The following NEK1 variants were observed in gnomAD, a reference collection of about 807,000 sequenced individuals.
NEK1 encodes the protein serine/threonine-protein kinase Nek1.
A neutral mutation model predicts 182.1 loss-of-function variants in NEK1; 137 were observed. That is an observed-to-expected ratio of 0.75 (90% CI 0.65 to 0.87). The LOEUF is 0.87. NEK1 is among the 40% of genes least tolerant of loss of function. NEK1 has a pLI of 0.00. For missense variants in NEK1, 1,391 were observed against 1,494.4 expected, an observed-to-expected ratio of 0.93 and a Z score of 1.14; for synonymous variants, 513 against 492.2, an observed-to-expected ratio of 1.04 and a Z score of -0.56.
rs564890500 is a variant in NEK1, at chr4:169,451,479, A to G, written c.2587+11764T>C. On this transcript the variant is annotated intron_variant, in intron 27 of 35. Transcript: ENST00000507142. Reference sequence around the variant, plus strand: ...ATCAAATTAGAACTCAGGATTAAGAAACTCACTCAAAACCGCACAACTACA... The same window carrying G: ...ATCAAATTAGAACTCAGGATTAAGAGACTCACTCAAAACCGCACAACTACA... Among the ~76,000 whole-genome samples the G allele has an allele frequency of 1.6e-4, 24 of 152,326 alleles. No individual in the cohort carries two copies. In the East Asian group the frequency reaches 4.4e-3, roughly 28 times the overall value.
chr4:169,434,866 G>A (rs1379160605), intron 28 of NEK1, among the ~76,000 whole-genome samples: 1 of 152,040 alleles, frequency 6.6e-6, no homozygotes. Context: ...ATTTTTTAAT[G>A]AATAATTCTG....
At chr4:169,490,882 G>A (rs577998831) in intron 23 of NEK1, among the ~76,000 whole-genome samples, 4 of 152,046 alleles carry the variant, frequency 2.6e-5, no homozygotes, top group Admixed American at 6.5e-5. Flanking sequence ...GGTGGCTCAC[G>A]CCTGTAATCC....
chr4:169,457,230 A>G lies in NEK1; in HGVS notation c.2587+6013T>C, dbSNP rs78145278. Among the ~76,000 whole-genome samples, 361 of 152,302 alleles carry G rather than the reference A, an allele frequency of 2.4e-3. 1 individual carries two copies. The highest frequency in any genetic ancestry group is 8.4e-3 in the African/African-American group (351 of 41,570). On this transcript the variant is annotated intron_variant, in intron 27 of 35. Coordinates refer to ENST00000507142, the MANE Select transcript of NEK1 (RefSeq NM_001199397.3). Reference sequence around the variant, plus strand: ...AAAATAGTAGAATTGGACTGTTTGTAATACAAAGAAAGGATAAATGCTTTA... The same window carrying G: ...AAAATAGTAGAATTGGACTGTTTGTGATACAAAGAAAGGATAAATGCTTTA...
intron 2 of NEK1, among the ~76,000 whole-genome samples, chr4:169,610,291 A>G (rs1252804859): frequency 2.6e-5 from 4 of 151,884 alleles, no homozygotes; most frequent in East Asian, 1.9e-4. Flanking sequence ...TGTGAGCCAC[A>G]GCGTCTGACC....
intron 19 of NEK1, among the ~76,000 whole-genome samples, chr4:169,532,966 C>T (rs1185778684): frequency 6.6e-6 from 1 of 151,002 alleles, no homozygotes; most frequent in African/African-American, 2.4e-5. Context: ...GGAAAGGGAA[C>T]TAAAAGAAAA....
chr4:169,399,455 T>C (rs980036591), intron 35 of NEK1, among the ~76,000 whole-genome samples: 39 of 151,946 alleles, frequency 2.6e-4, no homozygotes, highest in Admixed American at 7.9e-4. Context: ...CGCACGCCTA[T>C]AATCCCAGCT....
At chr4:169,488,733 C>A (rs573260222) in intron 23 of NEK1, among the ~76,000 whole-genome samples, 7 of 152,116 alleles carry the variant, frequency 4.6e-5, no homozygotes, top group African/African-American at 7.2e-5. Context: ...ATTCTGAATT[C>A]CATGTTAACC....
chr4:169,563,247 G>C (rs939976325), intron 12 of NEK1, among the ~76,000 whole-genome samples: 2 of 151,836 alleles, frequency 1.3e-5, no homozygotes, highest in Non-Finnish European at 2.9e-5. Flanking sequence ...TGTTGTCCCA[G>C]CTACTCAGGA....
At chr4:169,439,418 C>G (rs192330297) in intron 27 of NEK1, among the ~76,000 whole-genome samples, 128 of 152,282 alleles carry the variant, frequency 8.4e-4, no homozygotes, top group African/African-American at 2.9e-3. Context: ...TTCTAGTCAA[C>G]AGAGAACAAA....
intron 19 of NEK1, among the ~76,000 whole-genome samples, chr4:169,518,782 G>A (rs1755566859): frequency 1.2e-5 from 1 of 81,558 alleles, no homozygotes; most frequent in Non-Finnish European, 2.3e-5. Context: ...TCATTCAGGA[G>A]CAGGTTGTTC....
chr4:169,406,329 G>C (rs1208642910), intron 32 of NEK1, among the ~76,000 whole-genome samples: 1 of 151,816 alleles, frequency 6.6e-6, no homozygotes, highest in African/African-American at 2.4e-5. Context: ...AAAGAGCTAG[G>C]TAAGTTATCC....
chr4:169,427,381 C>T (rs1255060296), intron 29 of NEK1, among the ~76,000 whole-genome samples: 1 of 152,210 alleles, frequency 6.6e-6, no homozygotes, highest in Non-Finnish European at 1.5e-5. Context: ...CCGCCTCGGC[C>T]TCCCAAAGTG....
At chr4:169,577,596 A>T (rs1390284522) in intron 11 of NEK1, among the ~76,000 whole-genome samples, 1 of 151,970 alleles carries the variant, frequency 6.6e-6, no homozygotes, top group Non-Finnish European at 1.5e-5. Context: ...TCTACTAAAA[A>T]TACAAAAAAT....
chr4:169,514,336 T>C (rs1754739384), intron 19 of NEK1, among the ~76,000 whole-genome samples: 1 of 152,158 alleles, frequency 6.6e-6, no homozygotes, highest in Non-Finnish European at 1.5e-5. Context: ...GTAGTTTGCT[T>C]TTCTGTGCTG....
intron 31 of NEK1, among the ~76,000 whole-genome samples, chr4:169,409,953 GT>G (rs533610402): frequency 2.6e-4 from 39 of 151,986 alleles, no homozygotes; most frequent in Non-Finnish European, 4.6e-4. Flanking sequence ...TGATGGGATT[GT>G]TTTTTTCTTA....
chr4:169,546,271 A>C (rs931606960), intron 18 of NEK1, among the ~76,000 whole-genome samples: 5 of 152,194 alleles, frequency 3.3e-5, no homozygotes, highest in Non-Finnish European at 5.9e-5. Flanking sequence ...CAGGTTGTTC[A>C]GTTTCCATGG....
At chr4:169,538,413 A>C (rs1758846600) in intron 18 of NEK1, among the ~76,000 whole-genome samples, 1 of 152,182 alleles carries the variant, frequency 6.6e-6, no homozygotes, top group South Asian at 2.1e-4. Flanking sequence ...ACAACTATAA[A>C]AAAGTAAAGT....
chr4:169,551,594 A>G (rs1761433491), intron 18 of NEK1, among the ~76,000 whole-genome samples: 1 of 152,156 alleles, frequency 6.6e-6, no homozygotes, highest in Non-Finnish European at 1.5e-5. Flanking sequence ...AAAGATAAAA[A>G]TTTGTATGTA....
At chr4:169,552,426 A>G (rs1761563906) in intron 18 of NEK1, among the ~76,000 whole-genome samples, 1 of 152,000 alleles carries the variant, frequency 6.6e-6, no homozygotes, top group Non-Finnish European at 1.5e-5. Context: ...ATCTCAGAAA[A>G]CCTAAATTAG....
Sources: allele counts gnomAD v4.1 joint callset (sites outside exome capture counted in the v4.1 genomes callset), GRCh38; gene constraint gnomAD v4.1.1; transcripts MANE v1.5; gene names NCBI Gene and HGNC (gene_info 2026-07-23, HGNC 2026-07-21).